The following DIAPH3 variants were observed in gnomAD, a reference collection of about 807,000 sequenced individuals.
The protein encoded by DIAPH3 is protein diaphanous homolog 3.
Under a neutral mutation model 144.3 loss-of-function variants are expected in DIAPH3, and 117 were observed. The observed-to-expected ratio is 0.81, with a 90% CI of 0.70 to 0.95. The LOEUF (loss-of-function observed/expected upper bound fraction) is 0.95. Ranked by LOEUF, DIAPH3 falls within the 40% of genes least tolerant of loss-of-function variation. The pLI is 0.00. For synonymous variants in DIAPH3, 519 were observed against 488.9 expected, an observed-to-expected ratio of 1.06 and a Z score of -0.81; for missense variants, 1,421 against 1,412.7, an observed-to-expected ratio of 1.01 and a Z score of -0.09.
intron 25 of DIAPH3, among the ~76,000 whole-genome samples, chr13:59,800,994 A>G (rs2039873778): frequency 6.6e-6 from 1 of 152,196 alleles, no homozygotes; most frequent in East Asian, 1.9e-4. Flanking sequence ...TTAGTGTTCC[A>G]TATCAAACCA....
intron 9 of DIAPH3, among the ~76,000 whole-genome samples, chr13:60,001,810 G>A (rs2052543390): frequency 6.6e-6 from 1 of 152,172 alleles, no homozygotes; most frequent in Non-Finnish European, 1.5e-5. Flanking sequence ...TCTCCAAATG[G>A]AAGCTATGCT....
chr13:59,773,619 G>T (rs1457074012), intron 27 of DIAPH3, among the ~76,000 whole-genome samples: 1 of 152,176 alleles, frequency 6.6e-6, no homozygotes, highest in Non-Finnish European at 1.5e-5. Flanking sequence ...GTTCTATGCG[G>T]TTGGGCATGG....
intron 27 of DIAPH3, among the ~76,000 whole-genome samples, chr13:59,677,803 G>A (rs1172884605): frequency 1.3e-5 from 2 of 152,178 alleles, no homozygotes; most frequent in African/African-American, 2.4e-5. Flanking sequence ...AGAGGAAGGA[G>A]CAGTTATATA....
chr13:59,881,754 C>G (rs1244717146), intron 20 of DIAPH3, among the ~76,000 whole-genome samples: 1 of 151,952 alleles, frequency 6.6e-6, no homozygotes, highest in Non-Finnish European at 1.5e-5. Context: ...TCATGAAAAT[C>G]CCTGACAAGG....
chr13:59,997,639 G>A (rs549372619), intron 9 of DIAPH3, among the ~76,000 whole-genome samples: 1 of 152,052 alleles, frequency 6.6e-6, no homozygotes, highest in East Asian at 1.9e-4. Context: ...CAAAATTCAA[G>A]GTTCACTAAC....
At chr13:59,841,510 C>T (rs964653984) in intron 22 of DIAPH3, among the ~76,000 whole-genome samples, 18 of 152,184 alleles carry the variant, frequency 1.2e-4, no homozygotes, top group Middle Eastern at 3.4e-3. Context: ...GGGAAAATTG[C>T]TTGATCCCAG....
chr13:59,984,094 T>C (rs2051216255), intron 12 of DIAPH3, among the ~76,000 whole-genome samples: 2 of 151,670 alleles, frequency 1.3e-5, no homozygotes, highest in South Asian at 2.1e-4. Context: ...ATCATTTTTA[T>C]AGTCTTTTAG....
chr13:59,995,685 C>G (rs904864958), intron 9 of DIAPH3, among the ~76,000 whole-genome samples: 3 of 151,848 alleles, frequency 2.0e-5, no homozygotes, highest in African/African-American at 7.3e-5. Context: ...TTTATTGAAA[C>G]AGAAATGACC....
chr13:59,732,335 A>G (rs988637985), intron 27 of DIAPH3, among the ~76,000 whole-genome samples: 2 of 151,828 alleles, frequency 1.3e-5, no homozygotes, highest in Non-Finnish European at 2.9e-5. Context: ...TAACAAATAT[A>G]ATTTACAGAC....
intron 4 of DIAPH3, among the ~76,000 whole-genome samples, chr13:60,058,648 T>C (rs1371826026): frequency 1.3e-5 from 2 of 151,866 alleles, no homozygotes; most frequent in Non-Finnish European, 2.9e-5. Context: ...ATAAAGAAAA[T>C]GTGGTGTGTT....
chr13:59,990,497 G>A (rs2051739374), intron 12 of DIAPH3, among the ~76,000 whole-genome samples: 1 of 151,798 alleles, frequency 6.6e-6, no homozygotes. Context: ...AATAGAAATG[G>A]AAAGTAGATA....
chr13:59,987,661 T>C (rs2051505186), intron 12 of DIAPH3, among the ~76,000 whole-genome samples: 3 of 151,516 alleles, frequency 2.0e-5, no homozygotes, highest in African/African-American at 7.3e-5. Context: ...AAGACTGGTT[T>C]TAAAATATCC....
At chr13:59,714,346 C>A (rs377707991) in intron 27 of DIAPH3, among the ~76,000 whole-genome samples, 3 of 112,848 alleles carry the variant, frequency 2.7e-5, no homozygotes, top group East Asian at 4.9e-4. Flanking sequence ...GGCGACAGAG[C>A]GAGACTCCGT....
Position 59,666,458 on chromosome 13 carries a change from T to TTC in DIAPH3, c.*124_*125dup, listed in dbSNP as rs1289567167. The TTC allele has an allele frequency of 1.8e-6, 2 of 1,138,010 alleles. No homozygotes were observed. The highest frequency in any genetic ancestry group is 2.4e-6 in the Non-Finnish European group (2 of 817,204). 70.5% of individuals were successfully genotyped at this position (1,138,010 alleles called of 1,614,324 possible). On this transcript the variant is annotated 3_prime_UTR_variant, in exon 28 of 28. Transcript: ENST00000400324. ...TGCAATCATATATTTAGCTTTATTT[T>TTC]TCTAATATATATCATAATTTAAAAC...
chr13:59,954,340 G>T (rs1208731757), intron 17 of DIAPH3, among the ~76,000 whole-genome samples: 1 of 152,124 alleles, frequency 6.6e-6, no homozygotes, highest in Non-Finnish European at 1.5e-5. Flanking sequence ...CCTTTAACTT[G>T]TAAGTTACTT....
intron 17 of DIAPH3, among the ~76,000 whole-genome samples, chr13:59,967,460 C>T (rs771394034): frequency 3.3e-5 from 5 of 152,032 alleles, no homozygotes; most frequent in Non-Finnish European, 5.9e-5. Context: ...AACATTTGGA[C>T]CCAATGCCTC....
intron 9 of DIAPH3, among the ~76,000 whole-genome samples, chr13:60,004,436 T>C (rs2052734210): frequency 6.6e-6 from 1 of 152,232 alleles, no homozygotes; most frequent in South Asian, 2.1e-4. Flanking sequence ...CCTTTTTTTG[T>C]TTGTTTGGCC....
At chr13:60,121,535 T>TAA (rs2058844615) in intron 2 of DIAPH3, among the ~76,000 whole-genome samples, 1 of 152,168 alleles carries the variant, frequency 6.6e-6, no homozygotes, top group African/African-American at 2.4e-5. Flanking sequence ...ACTCTGATGG[T>TAA]TTATGCTTCA....
intron 21 of DIAPH3, among the ~76,000 whole-genome samples, chr13:59,868,045 C>T (rs1351863584): frequency 6.6e-6 from 1 of 152,050 alleles, no homozygotes; most frequent in Non-Finnish European, 1.5e-5. Flanking sequence ...ATGGCAGGGT[C>T]GCAGTGAGAC....
Sources: allele counts gnomAD v4.1 joint callset (sites outside exome capture counted in the v4.1 genomes callset), GRCh38; gene constraint gnomAD v4.1.1; transcripts MANE v1.5; gene names NCBI Gene and HGNC (gene_info 2026-07-23, HGNC 2026-07-21).